Variants in ANXA2 observed in about 807,000 individuals in gnomAD.
ANXA2 encodes annexin II.
A neutral mutation model predicts 47.3 loss-of-function variants in ANXA2; 28 were observed. The ratio of observed to expected loss-of-function variants is 0.59; its 90% CI spans 0.44 to 0.81. The LOEUF is 0.81. Ranked by LOEUF, ANXA2 falls within the 40% of genes least tolerant of loss-of-function variation. ANXA2 has a pLI of 0.00. For missense variants in ANXA2, 384 were observed against 414.3 expected (o/e 0.93, Z 0.64); for synonymous variants, 172 against 155.5 (o/e 1.11, Z -0.79).
intron 3 of ANXA2, 83 bp downstream of exon 3, chr15:60,382,259 A>T: frequency 1.9e-6 from 2 of 1,041,068 alleles, no homozygotes; most frequent in Non-Finnish European, 3.0e-6. Flanking sequence ...TCGCCAACGT[A>T]TGGCGATTTG....
chr15:60,376,383 A>G (rs1244738945), intron 3 of ANXA2, among the ~76,000 whole-genome samples: 1 of 151,722 alleles, frequency 6.6e-6, no homozygotes, highest in Non-Finnish European at 1.5e-5. Context: ...TCTGTCTCAA[A>G]AAAAAAAAAA....
chr15:60,394,150 A>G (rs2063050561), intron 1 of ANXA2, among the ~76,000 whole-genome samples: 1 of 152,162 alleles, frequency 6.6e-6, no homozygotes. Context: ...TGTCCATAGG[A>G]CCACATGGGA....
At chr15:60,347,727 G>A (rs780107561) in intron 12 of ANXA2, 38 bp from the exon 13 acceptor site, 1 of 1,591,926 alleles carries the variant, frequency 6.3e-7, no homozygotes, top group Admixed American at 1.7e-5. Flanking sequence ...CGTGGTATCA[G>A]AAAAAAGCCC....
In ANXA2 at chr15:60,357,134, C is replaced by T. The variant is rs1310295268; in HGVS notation, c.448+12G>A. 1 of 1,612,716 alleles carries T rather than the reference C, an allele frequency of 6.2e-7. No homozygotes were observed. Among genetic ancestry groups the T allele is most frequent in the Admixed American group, 1.7e-5 (1 of 60,018 alleles). On this transcript the variant is annotated intron_variant, in intron 6 of 12. Transcript: ENST00000451270. Reference sequence around the variant, plus strand: ...GGCTGAGAGGATGAATCACAGAAATCAAGCTACTCACTTTCCTTGTAGACT... The same window carrying T: ...GGCTGAGAGGATGAATCACAGAAATTAAGCTACTCACTTTCCTTGTAGACT...
chr15:60,349,273 C>A (rs1291909204), intron 11 of ANXA2, 76 bp from the exon 12 acceptor site: 1 of 1,527,820 alleles, frequency 6.5e-7, no homozygotes, highest in African/African-American at 1.4e-5. Context: ...GTTGAGCATC[C>A]CTGATCTGAA....
chr15:60,351,308 A>G (rs548218430), intron 10 of ANXA2, 57 bp from the exon 11 acceptor site: 24 of 1,553,732 alleles, frequency 1.5e-5, no homozygotes, highest in East Asian at 1.1e-4. Context: ...TCCTCTACCA[A>G]TGAGAGAGGA....
intron 3 of ANXA2, among the ~76,000 whole-genome samples, chr15:60,372,103 T>C (rs2062718647): frequency 1.3e-5 from 2 of 152,178 alleles, no homozygotes; most frequent in African/African-American, 4.8e-5. Context: ...GAGCCAAGAT[T>C]GAGCCATTGC....
intron 3 of ANXA2, among the ~76,000 whole-genome samples, chr15:60,366,303 G>A (rs1467047616): frequency 1.8e-4 from 27 of 146,008 alleles, no homozygotes; most frequent in South Asian, 1.4e-3. Context: ...CTGCCTGGCC[G>A]CCCATCGTCT....
intron 3 of ANXA2, among the ~76,000 whole-genome samples, chr15:60,380,212 C>T (rs754685226): frequency 1.2e-4 from 19 of 152,108 alleles, no homozygotes; most frequent in Non-Finnish European, 2.4e-4. Context: ...TGCCAGGCAT[C>T]GTGCTAAATG....
intron 11 of ANXA2, among the ~76,000 whole-genome samples, chr15:60,350,324 C>T (rs1181713098): frequency 5.3e-5 from 8 of 152,272 alleles, no homozygotes; most frequent in African/African-American, 1.7e-4. Flanking sequence ...CCTACTACTG[C>T]AAGGCTCAGT....
At position 60,352,537 on chromosome 15, in the gene ANXA2, G is replaced by A. The variant is rs1475684653; in HGVS notation, c.589-61C>T. ...CATCCAATGTAACGTCAAAAAAAAT[G>A]TCATGCAAAAAAAACAAAAAAAGCT... On this transcript the variant is annotated intron_variant, in intron 8 of 12. Coordinates refer to ENST00000451270, the MANE Select transcript of ANXA2 (RefSeq NM_004039.3). This position sits in a 1 kb window ranked among gnomAD's most constrained non-coding sequence, Gnocchi z 4.2. The A allele has an allele frequency of 2.1e-5, 27 of 1,266,046 alleles. No individual in the cohort carries two copies. The highest frequency in any genetic ancestry group is 2.9e-5 in the Non-Finnish European group (26 of 888,602). The allele number at this position is 1,266,046 out of a possible 1,614,324, so 78.4% of individuals were successfully genotyped here.
rs1271815186 is a variant in ANXA2 at position 60,393,760 on chromosome 15, TA to T, written c.-12+4182del. 5 of 889,240 alleles carry T rather than the reference TA, an allele frequency of 5.6e-6. No homozygotes were observed. In the African/African-American group the frequency reaches 9.1e-5, roughly 16 times the overall value. 55.1% of individuals were successfully genotyped at this position (889,240 alleles called of 1,614,324 possible). A position where few individuals can be genotyped will look rare whatever the true frequency, so the allele number is the denominator to read the frequency against. On this transcript the variant is annotated intron_variant, in intron 1 of 12. Transcript: ENST00000451270. ...CTGTGCAACATTAGAGTTACATGTGTAAAGTCTGTCTTCCGTATTATCCGCC... is the reference window on the plus strand; with the variant it reads ...CTGTGCAACATTAGAGTTACATGTGTAAGTCTGTCTTCCGTATTATCCGCC...
intron 1 of ANXA2, chr15:60,390,149 T>C (rs35096907): frequency 0.15 from 54,166 of 372,664 alleles, 4,655 homozygotes; most frequent in Non-Finnish European, 0.16. Context: ...ATACTATGTA[T>C]AACCATTTTG....
At chr15:60,383,828 T>A (rs1359360452) in intron 2 of ANXA2, 1 of 151,416 alleles carries the variant, frequency 6.6e-6, no homozygotes, top group Non-Finnish European at 1.5e-5. Context: ...CCCACAGGCA[T>A]CACATTATAA....
intron 1 of ANXA2, among the ~76,000 whole-genome samples, chr15:60,397,058 C>A (rs1421936826): frequency 6.6e-6 from 1 of 152,188 alleles, no homozygotes; most frequent in Non-Finnish European, 1.5e-5. Flanking sequence ...GGAAACTTAT[C>A]TGTGTTCCCC....
At chr15:60,368,315 A>T (rs2062664359) in intron 3 of ANXA2, among the ~76,000 whole-genome samples, 2 of 117,362 alleles carry the variant, frequency 1.7e-5, no homozygotes, top group South Asian at 5.9e-4. Flanking sequence ...CAATAAAAAA[A>T]AAAAATAAAA....
At chr15:60,381,478 G>C (rs2062857543) in intron 3 of ANXA2, among the ~76,000 whole-genome samples, 1 of 152,154 alleles carries the variant, frequency 6.6e-6, no homozygotes, top group Non-Finnish European at 1.5e-5. Flanking sequence ...TATAAGCCCA[G>C]AAAGTCTGAA....
In ANXA2 at chr15:60,373,496, G is replaced by A. The variant is rs115343509; in HGVS notation, c.148+8846C>T. 4.4e-3 allele frequency among the ~76,000 whole-genome samples: 675 copies of A among 152,274 alleles called. 3 individuals are homozygous for A. Among genetic ancestry groups the A allele is most frequent in the African/African-American group, 0.015 (640 of 41,560 alleles). The stretch of plus-strand genomic sequence containing the variant: ...CTTCAGCCAGGGTGCTGGCTGGCCC[G>A]GAACCCCTGCTGTAAAAGTTGCCCC... On this transcript the variant is annotated intron_variant, in intron 3 of 12. Coordinates refer to ENST00000451270, the MANE Select transcript of ANXA2 (RefSeq NM_004039.3).
chr15:60,366,531 G>C (rs1313147807), intron 3 of ANXA2, among the ~76,000 whole-genome samples: 16 of 148,108 alleles, frequency 1.1e-4, no homozygotes, highest in South Asian at 2.1e-4. Context: ...GTCTCTGCCC[G>C]GCCGCTCCGT....
Sources: gnomAD v4.1 joint callset for allele counts (sites outside exome capture counted in the v4.1 genomes callset) on GRCh38, gnomAD v4.1.1 for gene constraint, Gnocchi (gnomAD v3.1) non-coding constraint, MANE v1.5 for transcripts, NCBI Gene and HGNC (gene_info 2026-07-23, HGNC 2026-07-21) for gene names.